The following LHFPL3 variants were observed in gnomAD, a reference collection of about 807,000 sequenced individuals.
The protein encoded by LHFPL3 is LHFPL tetraspan subfamily member 3 protein.
A neutral mutation model predicts 19.3 loss-of-function variants in LHFPL3; 5 were observed. The ratio of observed to expected loss-of-function variants is 0.26; its 90% CI spans 0.14 to 0.54. The LOEUF (loss-of-function observed/expected upper bound fraction) is 0.54. LHFPL3 is among the 20% of genes least tolerant of loss of function. LHFPL3 has a pLI of 0.94. For missense variants in LHFPL3, 249 were observed against 307.4 expected (o/e 0.81, Z 1.42); for synonymous variants, 133 against 126.2 (o/e 1.05, Z -0.36).
intron 1 of LHFPL3, among the ~76,000 whole-genome samples, chr7:104,460,248 C>T (rs191578819): frequency 7.4e-4 from 112 of 152,178 alleles, no homozygotes; most frequent in Non-Finnish European, 1.4e-3. Flanking sequence ...TCCATATGAC[C>T]GTTGATGAGC....
Position 104,671,263 on chromosome 7 carries a change from G to GA in LHFPL3, c.446-65403dup, listed in dbSNP as rs202057013. ...GGTGTTTTTTTTCTTTTTTAAAAAA[G>GA]AAAAAAAAACTATTGATTGTAGATA... On this transcript the variant is annotated intron_variant, in intron 1 of 2. Coordinates refer to ENST00000424859, the MANE Select transcript of LHFPL3 (RefSeq NM_199000.3). 4.7e-3 allele frequency among the ~76,000 whole-genome samples: 710 copies of GA among 149,572 alleles called. 31 individuals are homozygous for GA. In the East Asian group the frequency reaches 0.1, roughly 21 times the overall value.
intron 1 of LHFPL3, among the ~76,000 whole-genome samples, chr7:104,617,937 A>G (rs1791378638): frequency 6.6e-6 from 1 of 152,200 alleles, no homozygotes; most frequent in Admixed American, 6.5e-5. Context: ...CTTAAACAAT[A>G]AAGAATCAAA....
intron 1 of LHFPL3, among the ~76,000 whole-genome samples, chr7:104,647,067 G>C (rs903864411): frequency 3.9e-5 from 6 of 152,208 alleles, no homozygotes; most frequent in Admixed American, 3.9e-4. Context: ...CCCCAGGACA[G>C]TCTGGAAGTC....
intron 1 of LHFPL3, among the ~76,000 whole-genome samples, chr7:104,475,094 AT>A (rs1474465038): frequency 6.6e-6 from 1 of 152,192 alleles, no homozygotes; most frequent in East Asian, 1.9e-4. Context: ...TTTTCTGGGA[AT>A]CCTTCCTCAT....
intron 2 of LHFPL3, among the ~76,000 whole-genome samples, chr7:104,793,867 G>A (rs986061530): frequency 6.6e-6 from 1 of 152,154 alleles, no homozygotes; most frequent in African/African-American, 2.4e-5. Context: ...AGTGGAAAGC[G>A]AACTGGTTTA....
At chr7:104,817,971 A>C (rs1401881939) in intron 2 of LHFPL3, among the ~76,000 whole-genome samples, 1 of 152,198 alleles carries the variant, frequency 6.6e-6, no homozygotes, top group Non-Finnish European at 1.5e-5. Flanking sequence ...CACTAGCTAC[A>C]TTTCAAGTGC....
At chr7:104,486,018 C>T (rs190633292) in intron 1 of LHFPL3, among the ~76,000 whole-genome samples, 1 of 152,178 alleles carries the variant, frequency 6.6e-6, no homozygotes, top group Non-Finnish European at 1.5e-5. Flanking sequence ...TTTAGTCCAA[C>T]CTTATGAAGT....
chr7:104,854,661 C>T (rs992203278), intron 2 of LHFPL3, among the ~76,000 whole-genome samples: 1 of 152,144 alleles, frequency 6.6e-6, no homozygotes, highest in East Asian at 1.9e-4. Context: ...TATCACCTTC[C>T]GGTCTGAAGT....
At chr7:104,747,042 T>C (rs920754839) in intron 2 of LHFPL3, among the ~76,000 whole-genome samples, 6 of 152,212 alleles carry the variant, frequency 3.9e-5, no homozygotes, top group African/African-American at 9.6e-5. Context: ...AGGGTGATCA[T>C]AGTTGGTCAG....
At chr7:104,845,378 T>G in intron 2 of LHFPL3, 3 of 1,510,886 alleles carry the variant, frequency 2.0e-6, no homozygotes, top group Non-Finnish European at 2.7e-6. Context: ...TCCCACACTC[T>G]CAGATGATGG....
At chr7:104,549,148 T>C (rs995572229) in intron 1 of LHFPL3, among the ~76,000 whole-genome samples, 1 of 152,076 alleles carries the variant, frequency 6.6e-6, no homozygotes, top group African/African-American at 2.4e-5. Flanking sequence ...ATAGCAAATA[T>C]GACTTTAAAA....
intron 1 of LHFPL3, among the ~76,000 whole-genome samples, chr7:104,370,748 G>A (rs12673163): frequency 0.16 from 23,837 of 152,048 alleles, 2,079 homozygotes; most frequent in East Asian, 0.29. Context: ...TGGGTGTGGT[G>A]GCGGGCGCCT....
intron 2 of LHFPL3, among the ~76,000 whole-genome samples, chr7:104,843,114 G>A (rs1791245884): frequency 6.6e-6 from 1 of 152,208 alleles, no homozygotes; most frequent in Admixed American, 6.5e-5. Context: ...GCAGCGTGGG[G>A]CAAGCTGTAC....
chr7:104,381,882 G>C lies in LHFPL3; in HGVS notation c.445+52658G>C, dbSNP rs182875562. On this transcript the variant is annotated intron_variant, in intron 1 of 2. Transcript: ENST00000424859. Reference sequence around the variant, plus strand: ...TGCTTCCACTGAAACAGAAGTATTGGAACGATAGGAGACACCAATCTGATT... The same window carrying C: ...TGCTTCCACTGAAACAGAAGTATTGCAACGATAGGAGACACCAATCTGATT... Among the ~76,000 whole-genome samples the C allele has an allele frequency of 1.6e-3, 243 of 152,314 alleles. 1 individual carries two copies. Among genetic ancestry groups the C allele is most frequent in the Non-Finnish European group, 2.9e-3 (196 of 68,030 alleles).
At chr7:104,884,959 TAGA>T (rs1189155135) in intron 2 of LHFPL3, among the ~76,000 whole-genome samples, 2 of 151,968 alleles carry the variant, frequency 1.3e-5, no homozygotes, top group Non-Finnish European at 2.9e-5. Context: ...CAGGAAAGGA[TAGA>T]AGAAGGGAAG....
At chr7:104,801,053 A>G (rs1211566455) in intron 2 of LHFPL3, among the ~76,000 whole-genome samples, 2 of 152,238 alleles carry the variant, frequency 1.3e-5, no homozygotes, top group East Asian at 1.9e-4. Flanking sequence ...GGGCTGACCA[A>G]TGTATGCAGG....
chr7:104,533,147 A>G (rs543333390), intron 1 of LHFPL3, among the ~76,000 whole-genome samples: 9 of 152,320 alleles, frequency 5.9e-5, no homozygotes, highest in African/African-American at 7.2e-5. Context: ...GTAGAGAACT[A>G]TGTTTACAAA....
intron 2 of LHFPL3, among the ~76,000 whole-genome samples, chr7:104,798,920 T>C (rs532687854): frequency 6.6e-6 from 1 of 152,326 alleles, no homozygotes; most frequent in East Asian, 1.9e-4. Flanking sequence ...AAATGAATTA[T>C]GTGGAATTCT....
intron 1 of LHFPL3, among the ~76,000 whole-genome samples, chr7:104,486,063 C>T (rs182355655): frequency 6.2e-4 from 94 of 152,308 alleles, no homozygotes; most frequent in African/African-American, 2.2e-3. Flanking sequence ...ATCATTATGG[C>T]ACATTGAGTT....
Sources: gnomAD v4.1 joint callset for allele counts (sites outside exome capture counted in the v4.1 genomes callset) on GRCh38, gnomAD v4.1.1 for gene constraint, MANE v1.5 for transcripts, NCBI Gene and HGNC (gene_info 2026-07-23, HGNC 2026-07-21) for gene names.